Variants in MPPED2 observed in about 807,000 individuals in gnomAD.
MPPED2 encodes metallophosphoesterase MPPED2.
A neutral mutation model predicts 33.0 loss-of-function variants in MPPED2; 5 were observed. The ratio of observed to expected loss-of-function variants is 0.15; its 90% CI spans 0.08 to 0.32. The LOEUF is 0.32. Among genes scored for constraint, MPPED2 ranks in the 10% least tolerant of loss-of-function variants. MPPED2 has a pLI of 1.00. For missense variants in MPPED2, 275 were observed against 372.1 expected, an observed-to-expected ratio of 0.74 and a Z score of 2.15; for synonymous variants, 136 against 141.9, an observed-to-expected ratio of 0.96 and a Z score of 0.29.
At chr11:30,534,990 T>C (rs1273907290) in intron 3 of MPPED2, among the ~76,000 whole-genome samples, 1 of 152,164 alleles carries the variant, frequency 6.6e-6, no homozygotes, top group Non-Finnish European at 1.5e-5. Flanking sequence ...AAAGCAGATA[T>C]GTACTCAGAT....
chr11:30,548,839 G>C (rs1314922624), intron 2 of MPPED2, among the ~76,000 whole-genome samples: 5 of 152,168 alleles, frequency 3.3e-5, no homozygotes, highest in African/African-American at 9.7e-5. Flanking sequence ...CACTGCGTTT[G>C]TCAGGTGACC....
intron 2 of MPPED2, among the ~76,000 whole-genome samples, chr11:30,573,035 T>C (rs1418284484): frequency 6.6e-6 from 1 of 152,176 alleles, no homozygotes; most frequent in Non-Finnish European, 1.5e-5. Context: ...AGGACTAGAA[T>C]GCAGATTCCC....
At chr11:30,580,205 T>C (rs1957102372) in intron 2 of MPPED2, 41 bp downstream of exon 2, 1 of 1,589,334 alleles carries the variant, frequency 6.3e-7, no homozygotes, top group Non-Finnish European at 8.6e-7. Context: ...CTTTTTATTT[T>C]CTTGATTGCT....
At chr11:30,422,190 A>G (rs371544520) in intron 4 of MPPED2, among the ~76,000 whole-genome samples, 85 of 152,332 alleles carry the variant, frequency 5.6e-4, no homozygotes, top group Non-Finnish European at 1.0e-3. Flanking sequence ...TAGAAATCTT[A>G]CGCAGAAATG....
At chr11:30,558,884 G>A (rs532688556) in intron 2 of MPPED2, among the ~76,000 whole-genome samples, 1 of 151,768 alleles carries the variant, frequency 6.6e-6, no homozygotes, top group Non-Finnish European at 1.5e-5. Flanking sequence ...CACAAACCTG[G>A]TCCTCCTCAT....
chr11:30,544,108 A>G (rs1955282127), intron 2 of MPPED2, among the ~76,000 whole-genome samples: 1 of 152,124 alleles, frequency 6.6e-6, no homozygotes, highest in Non-Finnish European at 1.5e-5. Context: ...TTCTTTGAGC[A>G]CTGCATGCAA....
intron 4 of MPPED2, among the ~76,000 whole-genome samples, chr11:30,481,240 C>A (rs776826489): frequency 1.3e-5 from 2 of 151,990 alleles, no homozygotes; most frequent in Non-Finnish European, 2.9e-5. Context: ...TCAACTGCAC[C>A]GTGCAGTTTA....
chr11:30,480,440 G>GT (rs1238004760), intron 4 of MPPED2, among the ~76,000 whole-genome samples: 1 of 151,874 alleles, frequency 6.6e-6, no homozygotes, highest in South Asian at 2.1e-4. Flanking sequence ...GAGACTTTCA[G>GT]TTTTTTATTT....
At chr11:30,448,925 A>T (rs1949931037) in intron 4 of MPPED2, among the ~76,000 whole-genome samples, 1 of 151,572 alleles carries the variant, frequency 6.6e-6, no homozygotes, top group Non-Finnish European at 1.5e-5. Flanking sequence ...AAGTGCTGGG[A>T]TTACAGGCGT....
At chr11:30,441,340 T>C (rs1484327288) in intron 4 of MPPED2, 1 of 152,226 alleles carries the variant, frequency 6.6e-6, no homozygotes, top group Non-Finnish European at 1.5e-5. Flanking sequence ...TAGCAGTTTA[T>C]TCTCCTCCTA....
chr11:30,513,937 T>C (rs1476946545), intron 3 of MPPED2, among the ~76,000 whole-genome samples: 1 of 152,148 alleles, frequency 6.6e-6, no homozygotes. Context: ...TACAGTGCTG[T>C]CTCCTGCCAT....
rs16920680 is a variant in MPPED2 at position 30,446,530 on chromosome 11, G to T, written c.537-28897C>A. On this transcript the variant is annotated intron_variant, in intron 4 of 6. Transcript: ENST00000358117. ...AGAAGAAACAGCCTTCCATCTCTGG[G>T]CATCTTTGTCCATGTGTGTTCGCTT... Among the ~76,000 whole-genome samples, 1,122 of 152,140 alleles carry T rather than the reference G, an allele frequency of 7.4e-3. 23 individuals carry two copies. The highest frequency in any genetic ancestry group is 0.026 in the African/African-American group (1,065 of 41,534).
chr11:30,519,818 C>G (rs1434955339), intron 3 of MPPED2, among the ~76,000 whole-genome samples: 4 of 152,076 alleles, frequency 2.6e-5, no homozygotes, highest in Non-Finnish European at 5.9e-5. Context: ...ATTATATGCT[C>G]TTGGTTGATT....
At chr11:30,424,467 C>A (rs768918874) in intron 4 of MPPED2, among the ~76,000 whole-genome samples, 3 of 152,148 alleles carry the variant, frequency 2.0e-5, no homozygotes, top group African/African-American at 7.2e-5. Context: ...ATTTAACCAC[C>A]GCTGGTTAAA....
intron 3 of MPPED2, among the ~76,000 whole-genome samples, chr11:30,530,907 A>G (rs1483727745): frequency 6.6e-6 from 1 of 152,230 alleles, no homozygotes; most frequent in Non-Finnish European, 1.5e-5. Context: ...TGCAAAATGT[A>G]CCTTTAGAGA....
intron 2 of MPPED2, among the ~76,000 whole-genome samples, chr11:30,576,193 A>G (rs1366136827): frequency 6.6e-6 from 1 of 152,210 alleles, no homozygotes; most frequent in Admixed American, 6.5e-5. Flanking sequence ...TAGAAAAATA[A>G]AACATAAGGA....
chr11:30,451,016 T>C (rs1309185513), intron 4 of MPPED2, among the ~76,000 whole-genome samples: 1 of 152,182 alleles, frequency 6.6e-6, no homozygotes, highest in East Asian at 1.9e-4. Flanking sequence ...GTGAGCACAA[T>C]TGTATCATGA....
chr11:30,537,870 T>C (rs1016164877), intron 2 of MPPED2, among the ~76,000 whole-genome samples: 7 of 152,198 alleles, frequency 4.6e-5, no homozygotes, highest in Non-Finnish European at 8.8e-5. Context: ...CTCCTCATTA[T>C]AGCCGATGTT....
rs1590168623 is a variant in MPPED2 at position 30,410,730 on chromosome 11, T to G, written c.*738A>C. 1.0e-6 allele frequency: 1 copy of G among 984,074 alleles called. No homozygotes were observed. The highest frequency in any genetic ancestry group is 5.2e-4 in the Middle Eastern group (1 of 1,908). 61.0% of individuals were successfully genotyped at this position (984,074 alleles called of 1,614,324 possible). The stretch of plus-strand genomic sequence containing the variant: ...AATACTTATATATATAAACCCATAT[T>G]GAAAAGGAGTCTGCATGTTCATTTT... On this transcript the variant is annotated 3_prime_UTR_variant, in exon 7 of 7. Transcript: ENST00000358117.
Sources: allele counts gnomAD v4.1 joint callset (sites outside exome capture counted in the v4.1 genomes callset), GRCh38; gene constraint gnomAD v4.1.1; transcripts MANE v1.5; gene names NCBI Gene and HGNC (gene_info 2026-07-23, HGNC 2026-07-21).